Variants in HS3ST4 observed in about 807,000 individuals in gnomAD.
The protein encoded by HS3ST4 is heparan sulfate glucosamine 3-O-sulfotransferase 4.
HS3ST4 carries 17 observed loss-of-function variants against 29.2 expected under a neutral mutation model. That is an observed-to-expected ratio of 0.58 (90% CI 0.40 to 0.87). HS3ST4 has a LOEUF of 0.87. Ranked by LOEUF, HS3ST4 falls within the 40% of genes least tolerant of loss-of-function variation. HS3ST4 has a pLI of 0.00. For missense variants in HS3ST4, 627 were observed against 634.5 expected (o/e 0.99, Z 0.13); for synonymous variants, 314 against 285.7 (o/e 1.10, Z -1.00).
chr16:26,134,348 TTTTCTTTTCTTTTC>T (rs1253075633), intron 1 of HS3ST4, among the ~76,000 whole-genome samples: 11 of 114,484 alleles, frequency 9.6e-5, no homozygotes, highest in Middle Eastern at 4.5e-3. Context: ...TTTTCTTTTC[TTTTCTTTTCTTTTC>T]TTTTTTTTTT....
At position 25,711,194 on chromosome 16, in the gene HS3ST4, A is replaced by C. The variant is rs574640947; in HGVS notation, c.734+18043A>C. 2.6e-5 allele frequency among the ~76,000 whole-genome samples: 4 copies of C among 152,068 alleles called. No individual in the cohort carries two copies. The East Asian group carries it at 7.8e-4, about 30-fold the overall frequency. On this transcript the variant is annotated intron_variant, in intron 1 of 1. Coordinates refer to ENST00000331351, the MANE Select transcript of HS3ST4 (RefSeq NM_006040.3). Reference sequence around the variant, plus strand: ...TGAAAGACTTTGGCGATGTCTACTTACTGTCGTTTGGTTTAAAGGTCTCAG... The same window carrying C: ...TGAAAGACTTTGGCGATGTCTACTTCCTGTCGTTTGGTTTAAAGGTCTCAG...
intron 1 of HS3ST4, among the ~76,000 whole-genome samples, chr16:26,040,352 G>A (rs1490815024): frequency 1.4e-5 from 2 of 147,932 alleles, no homozygotes; most frequent in African/African-American, 5.0e-5. Context: ...TGCCCAGGCT[G>A]GAGCGCAGTG....
chr16:25,788,544 C>CTTTTTTTTTTTTT (rs565611368), intron 1 of HS3ST4, among the ~76,000 whole-genome samples: 2 of 123,570 alleles, frequency 1.6e-5, no homozygotes, highest in Non-Finnish European at 3.2e-5. Flanking sequence ...TTTCTTCTTT[C>CTTTTTTTTTTTTT]TTTTTTTTTT....
At chr16:25,838,295 G>C (rs1165770829) in intron 1 of HS3ST4, among the ~76,000 whole-genome samples, 2 of 152,024 alleles carry the variant, frequency 1.3e-5, no homozygotes, top group African/African-American at 4.8e-5. Flanking sequence ...ATCTTAGTTA[G>C]TTTTCCCAGA....
chr16:25,735,483 G>A (rs1443251382), intron 1 of HS3ST4, among the ~76,000 whole-genome samples: 1 of 151,934 alleles, frequency 6.6e-6, no homozygotes, highest in African/African-American at 2.4e-5. Flanking sequence ...TGAACTCCTG[G>A]GCTTAAGCAA....
chr16:25,922,385 G>A (rs567874205), intron 1 of HS3ST4, among the ~76,000 whole-genome samples: 2 of 152,286 alleles, frequency 1.3e-5, no homozygotes, highest in African/African-American at 4.8e-5. Context: ...AACATCATTT[G>A]TGAACCAGTA....
At chr16:25,717,249 C>A (rs147467140) in intron 1 of HS3ST4, among the ~76,000 whole-genome samples, 4 of 152,008 alleles carry the variant, frequency 2.6e-5, no homozygotes, top group Non-Finnish European at 5.9e-5. Flanking sequence ...GACAAGGGTA[C>A]GCAGAAGCAA....
chr16:25,881,322 A>G (rs1435061146), intron 1 of HS3ST4, among the ~76,000 whole-genome samples: 1 of 152,208 alleles, frequency 6.6e-6, no homozygotes, highest in East Asian at 1.9e-4. Context: ...ACCAAAACTC[A>G]ACTCTTTAGA....
rs574472837 is a variant in HS3ST4 at position 25,900,610 on chromosome 16, A to T, written c.734+207459A>T. Among the ~76,000 whole-genome samples the T allele has an allele frequency of 7.2e-5, 11 of 152,270 alleles. No homozygotes were observed. The East Asian group carries it at 1.7e-3, about 24-fold the overall frequency. On this transcript the variant is annotated intron_variant, in intron 1 of 1. Coordinates refer to ENST00000331351, the MANE Select transcript of HS3ST4 (RefSeq NM_006040.3). ...GTTAATGCAATACAACAACATTGGG[A>T]TGTAGCTGTTATTGCTCCCTTATTA...
rs371554362 is a variant in HS3ST4 at position 26,136,077 on chromosome 16, A to G, written c.1200A>G (p.Pro400=). The G allele has an allele frequency of 3.1e-6, 5 of 1,613,710 alleles. 1 individual carries two copies. The South Asian group carries it at 4.4e-5, about 14-fold the overall frequency. The change falls in exon 2 of 2, where the codon CCA becomes CCG. Residue 400 remains proline (P), a synonymous_variant. Transcript: ENST00000331351. ...KTKGFPCLKK[P]EDSSAPRCLG... is the part of the protein sequence containing the mutation. ...AGGGGTTCCCTTGCCTAAAGAAGCCAGAAGACAGCAGTGCCCCGAGGTGCT... is the reference window on the plus strand; with the variant it reads ...AGGGGTTCCCTTGCCTAAAGAAGCCGGAAGACAGCAGTGCCCCGAGGTGCT...
At chr16:25,868,648 C>A (rs1463481633) in intron 1 of HS3ST4, among the ~76,000 whole-genome samples, 1 of 152,228 alleles carries the variant, frequency 6.6e-6, no homozygotes, top group Non-Finnish European at 1.5e-5. Context: ...TTCCCTCCAG[C>A]AGCTAAACTC....
chr16:26,003,959 T>C (rs1257350309), intron 1 of HS3ST4, among the ~76,000 whole-genome samples: 1 of 152,206 alleles, frequency 6.6e-6, no homozygotes, highest in African/African-American at 2.4e-5. Context: ...TGTCCATCAC[T>C]GTGAGCTCCT....
intron 1 of HS3ST4, among the ~76,000 whole-genome samples, chr16:26,073,606 C>T (rs1459385914): frequency 6.6e-6 from 1 of 152,172 alleles, no homozygotes; most frequent in Admixed American, 6.5e-5. Flanking sequence ...CTCCTGGGCT[C>T]AAGTGATCCT....
At chr16:26,014,464 T>C (rs1969343780) in intron 1 of HS3ST4, among the ~76,000 whole-genome samples, 1 of 152,218 alleles carries the variant, frequency 6.6e-6, no homozygotes, top group South Asian at 2.1e-4. Flanking sequence ...TAGTACCCTA[T>C]AGGTGGTTTC....
chr16:25,916,800 C>G (rs1379746351), intron 1 of HS3ST4, among the ~76,000 whole-genome samples: 6 of 151,628 alleles, frequency 4.0e-5, no homozygotes, highest in Non-Finnish European at 8.8e-5. Flanking sequence ...CTGCCTCAGC[C>G]TCCCGAGTAG....
chr16:26,080,882 G>A (rs939908115), intron 1 of HS3ST4, among the ~76,000 whole-genome samples: 1 of 152,282 alleles, frequency 6.6e-6, no homozygotes, highest in Non-Finnish European at 1.5e-5. Context: ...GTGGTGGATT[G>A]GATCAACAGC....
chr16:26,035,316 T>C (rs1261188199), intron 1 of HS3ST4, among the ~76,000 whole-genome samples: 1 of 152,236 alleles, frequency 6.6e-6, no homozygotes, highest in Non-Finnish European at 1.5e-5. Flanking sequence ...TTCAGAGTTA[T>C]CATCTACTCA....
chr16:25,783,025 C>T (rs1966854062), intron 1 of HS3ST4, among the ~76,000 whole-genome samples: 1 of 152,024 alleles, frequency 6.6e-6, no homozygotes, highest in Admixed American at 6.6e-5. Context: ...TCTAATCCAC[C>T]CTCATTTTGT....
Sources: allele counts gnomAD v4.1 joint callset (sites outside exome capture counted in the v4.1 genomes callset), GRCh38; gene constraint gnomAD v4.1.1; transcripts MANE v1.5; gene names NCBI Gene and HGNC (gene_info 2026-07-23, HGNC 2026-07-21).